Variants in EPC2 observed in about 807,000 individuals in gnomAD.
EPC2 encodes the protein enhancer of polycomb 2, also known as enhancer of polycomb homolog 2.
EPC2 carries 14 observed loss-of-function variants against 92.1 expected under a neutral mutation model. That is an observed-to-expected ratio of 0.15 (90% CI 0.10 to 0.24). The LOEUF (loss-of-function observed/expected upper bound fraction) is 0.24. Ranked by LOEUF, EPC2 falls within the 10% of genes least tolerant of loss-of-function variation. The probability of loss-of-function intolerance (pLI) is 1.00; values close to 1 mark genes in which losing one functional copy is unlikely to be tolerated. For missense variants in EPC2, 755 were observed against 971.5 expected (o/e 0.78, Z 2.96); for synonymous variants, 340 against 334.7 (o/e 1.02, Z -0.17).
chr2:148,739,830 CTTCTTTTTTTTTTTTTTT>C (rs1682844739), intron 2 of EPC2, among the ~76,000 whole-genome samples: 1 of 96,722 alleles, frequency 1.0e-5, no homozygotes, highest in Non-Finnish European at 1.9e-5. Context: ...TTTTCTTCTT[CTTCTTTTTTTTTTTTTTT>C]TTTTTTTTTT....
At chr2:148,658,016 G>A (rs148317035) in intron 1 of EPC2, among the ~76,000 whole-genome samples, 15 of 152,088 alleles carry the variant, frequency 9.9e-5, no homozygotes, top group Admixed American at 7.9e-4. Flanking sequence ...CCATGAGCAC[G>A]AATTATTTAA....
rs552425878 is a variant in EPC2, at chr2:148,712,682, G to A, written c.313+22309G>A. ...AGGCTGGAAGATTGCTTGGGGCCAG[G>A]AGTTGGAGACCAGCCTGGGCAGAGA... On this transcript the variant is annotated intron_variant, in intron 2 of 13. Transcript: ENST00000258484. Among the ~76,000 whole-genome samples the A allele has an allele frequency of 1.3e-4, 20 of 152,292 alleles. No homozygotes were observed. In the South Asian group the frequency reaches 4.1e-3, roughly 32 times the overall value.
intron 1 of EPC2, among the ~76,000 whole-genome samples, chr2:148,674,580 A>G (rs1224578246): frequency 1.3e-5 from 2 of 152,228 alleles, no homozygotes; most frequent in African/African-American, 4.8e-5. Context: ...AGTGGACCCC[A>G]GGTATCCAAA....
intron 10 of EPC2, among the ~76,000 whole-genome samples, chr2:148,772,369 C>A (rs1413000612): frequency 6.6e-6 from 1 of 152,078 alleles, no homozygotes; most frequent in Non-Finnish European, 1.5e-5. Flanking sequence ...TGTGGCTTGA[C>A]TTACACTGTT....
chr2:148,700,758 G>T (rs1038993178), intron 2 of EPC2, among the ~76,000 whole-genome samples: 1 of 141,918 alleles, frequency 7.0e-6, no homozygotes, highest in Non-Finnish European at 1.5e-5. Flanking sequence ...CTTTACTCTT[G>T]TATTGGCTCT....
At chr2:148,709,369 C>T (rs1449605958) in intron 2 of EPC2, among the ~76,000 whole-genome samples, 8 of 152,214 alleles carry the variant, frequency 5.3e-5, no homozygotes, top group South Asian at 2.1e-4. Flanking sequence ...GGAAGAACAT[C>T]CCATGCTCAT....
At chr2:148,664,131 G>T (rs1440048903) in intron 1 of EPC2, among the ~76,000 whole-genome samples, 1 of 152,128 alleles carries the variant, frequency 6.6e-6, no homozygotes, top group Non-Finnish European at 1.5e-5. Context: ...AATTTTCCAA[G>T]AATTAGAGCT....
chr2:148,686,777 T>C (rs569519258), intron 1 of EPC2, among the ~76,000 whole-genome samples: 2 of 152,302 alleles, frequency 1.3e-5, no homozygotes, highest in East Asian at 1.9e-4. Flanking sequence ...AATTTTTTTT[T>C]CCCTGAGCAG....
chr2:148,662,170 G>T (rs1042126244), intron 1 of EPC2, among the ~76,000 whole-genome samples: 1 of 152,138 alleles, frequency 6.6e-6, no homozygotes, highest in Non-Finnish European at 1.5e-5. Context: ...GGAAACAACA[G>T]GTGCTGGAGA....
At chr2:148,776,799 T>A (rs1683652956) in intron 10 of EPC2, among the ~76,000 whole-genome samples, 1 of 150,920 alleles carries the variant, frequency 6.6e-6, no homozygotes, top group Non-Finnish European at 1.5e-5. Context: ...GGAGGATGGC[T>A]TGAGGCCAGG....
intron 2 of EPC2, chr2:148,692,030 G>T: frequency 3.1e-6 from 1 of 326,602 alleles, no homozygotes. Context: ...ATGAATATTA[G>T]GTTCTTTGTA....
chr2:148,784,653 TTC>T lies in EPC2; in HGVS notation c.2018-13_2018-12del, dbSNP rs1327581871. On this transcript the variant is annotated splice_polypyrimidine_tract_variant and intron_variant, in intron 12 of 13. Transcript: ENST00000258484. ...TGTCTCATGATACTAGTTGAATGAC[TTC>T]TTTCTTTTTCAGGAACCTCTAAAAC... is the stretch of plus-strand genomic sequence containing the variant. The T allele has an allele frequency of 4.5e-6, 7 of 1,554,616 alleles. No individual in the cohort carries two copies. The highest frequency in any genetic ancestry group is 6.1e-6 in the Non-Finnish European group (7 of 1,147,240).
chr2:148,783,732 A>G lies in EPC2; in HGVS notation c.1993A>G (p.Ile665Val), dbSNP rs1558840144. 3 of 1,592,248 alleles carry G rather than the reference A, an allele frequency of 1.9e-6. No homozygotes were observed. In the Admixed American group the frequency reaches 5.3e-5, roughly 28 times the overall value. ...AKEQNTGHNN[I>V]NGVVQPSGTS... ...GGAACAGAACACTGGCCACAACAACATAAACGGTGTTGTCCAGCCTTCAGG... is the reference window on the plus strand; with the variant it reads ...GGAACAGAACACTGGCCACAACAACGTAAACGGTGTTGTCCAGCCTTCAGG... The change falls in exon 12 of 14, where the codon ATA becomes GTA. Residue 665 changes from isoleucine to valine, a missense_variant. By Grantham distance (29) the Ile-to-Val change is conservative. This residue lies in a region of EPC2 where 207 missense variants were observed against 260.5 expected (regional missense o/e 0.79). Transcript: ENST00000258484.
At chr2:148,676,547 T>A (rs1300292833) in intron 1 of EPC2, among the ~76,000 whole-genome samples, 2 of 152,114 alleles carry the variant, frequency 1.3e-5, no homozygotes, top group Non-Finnish European at 2.9e-5. Flanking sequence ...CTTAATTAGT[T>A]AGCATTTTGT....
intron 1 of EPC2, among the ~76,000 whole-genome samples, chr2:148,662,844 T>A (rs954028676): frequency 3.3e-5 from 5 of 151,996 alleles, no homozygotes; most frequent in Admixed American, 6.5e-5. Flanking sequence ...TAAAAACTCT[T>A]TAGTTTTATT....
At chr2:148,778,036 AG>A (rs1289324689) in intron 10 of EPC2, among the ~76,000 whole-genome samples, 1 of 152,234 alleles carries the variant, frequency 6.6e-6, no homozygotes, top group East Asian at 1.9e-4. Context: ...TGTGTTACCT[AG>A]GAAGTTTTGC....
At chr2:148,759,339 C>T (rs1373866855) in intron 4 of EPC2, among the ~76,000 whole-genome samples, 8 of 152,222 alleles carry the variant, frequency 5.3e-5, no homozygotes, top group South Asian at 2.1e-4. Context: ...GTGATCCGAC[C>T]GCCTTGGCCT....
At chr2:148,665,027 A>G (rs887273828) in intron 1 of EPC2, among the ~76,000 whole-genome samples, 2 of 152,230 alleles carry the variant, frequency 1.3e-5, no homozygotes, top group Non-Finnish European at 1.5e-5. Context: ...TGGTTCTACC[A>G]TAAAGATACT....
intron 1 of EPC2, among the ~76,000 whole-genome samples, chr2:148,685,480 G>C (rs1011720753): frequency 6.6e-6 from 1 of 152,198 alleles, no homozygotes; most frequent in Non-Finnish European, 1.5e-5. Context: ...AGTTATGCTG[G>C]CTGGGCACGG....
Sources: gnomAD v4.1 joint callset for allele counts (sites outside exome capture counted in the v4.1 genomes callset) on GRCh38, gnomAD v4.1.1 for gene constraint, gnomAD v4.1.1 regional missense constraint, MANE v1.5 for transcripts, NCBI Gene and HGNC (gene_info 2026-07-23, HGNC 2026-07-21) for gene names.